The following TPM1 variants were observed in gnomAD, a reference collection of about 807,000 sequenced individuals.
The protein encoded by TPM1 is tropomyosin 1, also known as tropomyosin alpha-1 chain.
TPM1 carries 24 observed loss-of-function variants against 42.9 expected under a neutral mutation model. The ratio of observed to expected loss-of-function variants is 0.56; its 90% CI spans 0.41 to 0.79. The LOEUF (loss-of-function observed/expected upper bound fraction) is 0.79, where lower values mean the gene tolerates loss of function less well. Ranked by LOEUF, TPM1 falls within the 30% of genes least tolerant of loss-of-function variation. TPM1 has a pLI of 0.00. For missense variants in TPM1, 158 were observed against 351.8 expected (o/e 0.45, Z 4.41); for synonymous variants, 136 against 130.1 (o/e 1.05, Z -0.31).
At chr15:63,069,776 CTCTT>C (rs1030821025), downstream of TPM1, 23 of 1,512,938 alleles carry the variant, frequency 1.5e-5, no homozygotes, top group Non-Finnish European at 1.8e-5. Flanking sequence ...TGCTTGAGGT[CTCTT>C]TGTGTTCTCT....
intron 1 of TPM1, chr15:63,043,212 C>T (rs2031557000): frequency 1.9e-6 from 1 of 530,576 alleles, no homozygotes; most frequent in Non-Finnish European, 3.4e-6. Flanking sequence ...ATTCTCAGGA[C>T]TGGGAATCAG....
At chr15:63,063,257 G>C in intron 8 of TPM1, 7 of 985,296 alleles carry the variant, frequency 7.1e-6, no homozygotes, top group Non-Finnish European at 8.4e-6. Context: ...GAACAAGAAA[G>C]AAAAAAGACA....
chr15:63,049,553 T>G (rs906155519), intron 2 of TPM1, among the ~76,000 whole-genome samples: 1 of 152,218 alleles, frequency 6.6e-6, no homozygotes, highest in Middle Eastern at 3.2e-3. Context: ...ATTTTGTGTG[T>G]GTGTGTTTTT....
intron 2 of TPM1, among the ~76,000 whole-genome samples, chr15:63,050,204 C>A (rs938317727): frequency 6.6e-6 from 1 of 152,240 alleles, no homozygotes; most frequent in Admixed American, 6.5e-5. Context: ...TGCTCCTTCA[C>A]CTTCAGTTCC....
intron 2 of TPM1, among the ~76,000 whole-genome samples, chr15:63,050,660 A>G (rs781673929): frequency 7.9e-5 from 12 of 152,278 alleles, no homozygotes; most frequent in Non-Finnish European, 1.6e-4. Context: ...TTTGCAAACA[A>G]TCTACCTGGG....
intron 9 of TPM1, chr15:63,065,195 G>C: frequency 1.0e-6 from 1 of 985,482 alleles, no homozygotes; most frequent in Non-Finnish European, 1.2e-6. Context: ...GTTATCATGA[G>C]AAGAACCTTG....
Position 63,056,970 on chromosome 15 carries a change from T to G in TPM1, c.241-15T>G. 6.2e-7 allele frequency: 1 copy of G among 1,614,116 alleles called. No homozygotes were observed. Among genetic ancestry groups the G allele is most frequent in the Non-Finnish European group, 8.5e-7 (1 of 1,179,976 alleles). On this transcript the variant is annotated splice_polypyrimidine_tract_variant and intron_variant, in intron 2 of 9. Coordinates refer to ENST00000403994, the MANE Select transcript of TPM1 (RefSeq NM_001018005.2). ...TTTCTCCCCAACTCTGAAATGCTTT[T>G]CACTCTCTACCTAGGCTGAAGCCGA...
chr15:63,045,268 G>A (rs2032142027), intron 2 of TPM1: 1 of 152,172 alleles, frequency 6.6e-6, no homozygotes, highest in African/African-American at 2.4e-5. Context: ...GTATATCCAG[G>A]TGTGCTTTGT....
At chr15:63,063,921 A>T (rs1472774742) in intron 8 of TPM1, 143 bp from the exon 9 acceptor site, 1 of 1,233,124 alleles carries the variant, frequency 8.1e-7, no homozygotes. Flanking sequence ...TGCATTGGCC[A>T]CCTGCTGCGG....
intron 2 of TPM1, chr15:63,046,714 C>CAT (rs1266391603): frequency 2.6e-5 from 4 of 152,588 alleles, no homozygotes; most frequent in Non-Finnish European, 5.9e-5. Flanking sequence ...ATATTTATAG[C>CAT]ATATGAGTCT....
chr15:63,061,793 G>A lies in TPM1; in HGVS notation c.639+5G>A. On this transcript the variant is annotated splice_donor_5th_base_variant and intron_variant, in intron 6 of 9. Transcript: ENST00000403994. ...CTGGAGGCTCAGGCTGAGAAGGTAG[G>A]CCAGGAGGATGGTGTGGGGGAAAGG... 2 of 1,614,000 alleles carry A rather than the reference G, an allele frequency of 1.2e-6. No homozygotes were observed. The highest frequency in any genetic ancestry group is 1.1e-5 in the South Asian group (1 of 91,080).
intron 2 of TPM1, among the ~76,000 whole-genome samples, chr15:63,051,750 A>G (rs2033915921): frequency 6.6e-6 from 1 of 152,192 alleles, no homozygotes; most frequent in African/African-American, 2.4e-5. Flanking sequence ...CTAGATTATA[A>G]TATTCTCCCA....
At position 63,043,759 on chromosome 15, in the gene TPM1, G is replaced by C. The variant is rs2031744138; in HGVS notation, c.115-268G>C. 6.5e-7 allele frequency: 1 copy of C among 1,549,802 alleles called. No homozygotes were observed. Among genetic ancestry groups the C allele is most frequent in the Non-Finnish European group, 8.7e-7 (1 of 1,146,968 alleles). The stretch of plus-strand genomic sequence containing the variant: ...AGTTGCTGCGGGTGTCGGAGGACGA[G>C]CGGGACCGGGTGCTGGAGGAGCTGC... On this transcript the variant is annotated intron_variant, in intron 1 of 9. Coordinates refer to ENST00000403994, the MANE Select transcript of TPM1 (RefSeq NM_001018005.2).
In TPM1 at chr15:63,043,526, C is replaced by T. The variant is rs111690027; in HGVS notation, c.115-501C>T. 2.6e-5 allele frequency: 26 copies of T among 985,552 alleles called. 1 individual carries two copies. In the African/African-American group the frequency reaches 2.7e-4, roughly 10 times the overall value. The allele number at this position is 985,552 out of a possible 1,614,324, so 61.1% of individuals were successfully genotyped here. A position where few individuals can be genotyped will look rare whatever the true frequency, so the allele number is the denominator to read the frequency against. On this transcript the variant is annotated intron_variant, in intron 1 of 9. Transcript: ENST00000403994. ...TCTCGTCCCAGGGCAGGTGGGTGTG[C>T]GGGGTGAGCCGCGGAGCGGTTCCAG...
chr15:63,066,894 C>CT (rs34798274), downstream of TPM1, among the ~76,000 whole-genome samples: 5 of 149,932 alleles, frequency 3.3e-5, no homozygotes, highest in Non-Finnish European at 5.9e-5. Flanking sequence ...ATGAAAGTTT[C>CT]TTTTTTTTTT....
At position 63,048,791 on chromosome 15, in the gene TPM1, C is replaced by CAGT. The variant is rs1555404986; in HGVS notation, c.240+4639_240+4640insAGT. 5 of 1,494,252 alleles carry CAGT rather than the reference C, an allele frequency of 3.3e-6. No homozygotes were observed. In the South Asian group the frequency reaches 6.2e-5, roughly 18 times the overall value. 92.6% of individuals were successfully genotyped at this position (1,494,252 alleles called of 1,614,324 possible). A position where few individuals can be genotyped will look rare whatever the true frequency, so the allele number is the denominator to read the frequency against. Reference sequence around the variant, plus strand: ...CGCAGGGCCCTCCTGCTTCCCCCCCCGCAGGCCCCGGTCCCTCGTCCCCAC... The same window carrying CAGT: ...CGCAGGGCCCTCCTGCTTCCCCCCCCAGTGCAGGCCCCGGTCCCTCGTCCCCAC... On this transcript the variant is annotated intron_variant, in intron 2 of 9. Coordinates refer to ENST00000403994, the MANE Select transcript of TPM1 (RefSeq NM_001018005.2).
intron 5 of TPM1, chr15:63,061,468 A>C: frequency 1.3e-6 from 1 of 744,148 alleles, no homozygotes; most frequent in African/African-American, 1.7e-5. Context: ...TGGGCAGCCA[A>C]AAAAGGAGCC....
chr15:63,048,192 C>G, intron 2 of TPM1: 1 of 458,070 alleles, frequency 2.2e-6, no homozygotes, highest in Non-Finnish European at 4.4e-6. Flanking sequence ...GTCACCACCG[C>G]GCCGCGGAGG....
intron 3 of TPM1, among the ~76,000 whole-genome samples, chr15:63,059,064 A>G (rs1051165462): frequency 1.3e-5 from 2 of 152,234 alleles, no homozygotes; most frequent in African/African-American, 4.8e-5. Flanking sequence ...TTAATAGTTT[A>G]TTAAATCTAA....
Sources: allele counts gnomAD v4.1 joint callset (sites outside exome capture counted in the v4.1 genomes callset), GRCh38; gene constraint gnomAD v4.1.1; transcripts MANE v1.5; gene names NCBI Gene and HGNC (gene_info 2026-07-23, HGNC 2026-07-21).